The following NT5DC3 variants were observed in gnomAD, a reference collection of about 807,000 sequenced individuals.
The protein encoded by NT5DC3 is 5'-nucleotidase domain containing 3.
In NT5DC3, 42 loss-of-function variants were observed where a neutral mutation model predicts 67.8. That is an observed-to-expected ratio of 0.62 (90% confidence interval 0.48 to 0.80). The LOEUF is 0.80. NT5DC3 is among the 30% of genes least tolerant of loss of function. The probability of loss-of-function intolerance (pLI) is 0.00; values close to 1 mark genes in which losing one functional copy is unlikely to be tolerated. For missense variants in NT5DC3, 570 were observed against 696.4 expected (o/e 0.82, Z 2.04); for synonymous variants, 237 against 255.6 (o/e 0.93, Z 0.69).
intron 4 of NT5DC3, among the ~76,000 whole-genome samples, chr12:103,800,813 T>G (rs7139029): frequency 0.18 from 27,867 of 152,206 alleles, 2,813 homozygotes; most frequent in African/African-American, 0.27. Flanking sequence ...CAATTCCCGC[T>G]CCCTTCATCA....
At chr12:103,778,102 C>A in intron 13 of NT5DC3, 21 bp from the exon 14 acceptor site, 1 of 1,571,534 alleles carries the variant, frequency 6.4e-7, no homozygotes, top group Non-Finnish European at 8.6e-7. Flanking sequence ...AATAAAAAAG[C>A]AAAGCAACAG....
chr12:103,814,339 G>A (rs1345122978), intron 2 of NT5DC3, among the ~76,000 whole-genome samples: 2 of 152,234 alleles, frequency 1.3e-5, no homozygotes, highest in Non-Finnish European at 2.9e-5. Flanking sequence ...CTGAGATGGA[G>A]AGCTGAGCTG....
At chr12:103,787,653 A>G in intron 10 of NT5DC3, 126 bp from the exon 11 acceptor site, 1 of 511,016 alleles carries the variant, frequency 2.0e-6, no homozygotes, top group Non-Finnish European at 3.4e-6. Flanking sequence ...AAATATAAAG[A>G]TAAAAGCACC....
In NT5DC3 at chr12:103,777,980, A is replaced by G; in HGVS notation, c.1496T>C (p.Ile499Thr). The G allele has an allele frequency of 6.2e-7, 1 of 1,614,238 alleles. No homozygotes were observed. Among genetic ancestry groups the G allele is most frequent in the South Asian group, 1.1e-5 (1 of 91,088 alleles). Residue 499 changes from isoleucine to threonine, a missense_variant, in exon 14 of 14, where the codon ATC becomes ACC. Ile to Thr is a moderately conservative substitution (Grantham distance 89). Transcript: ENST00000392876. ...FLRRLSRFAD[I>T]YMASLSCLLN... ...GAGGCAGCTCAGAGACGCCATGTAG[A>G]TGTCAGCGAAGCGCGACAGGCGCCT...
At chr12:103,803,869 C>CCCA (rs1491092836) in intron 4 of NT5DC3, among the ~76,000 whole-genome samples, 28 of 98,486 alleles carry the variant, frequency 2.8e-4, no homozygotes, top group African/African-American at 9.3e-4. Flanking sequence ...ACCCCCCCCC[C>CCCA]AAAAAAATGT....
At chr12:103,840,600 G>A (rs1289648290) in intron 1 of NT5DC3, among the ~76,000 whole-genome samples, 2 of 152,074 alleles carry the variant, frequency 1.3e-5, no homozygotes, top group African/African-American at 4.8e-5. Flanking sequence ...ACCTAACGGT[G>A]CGTGGGAGTG....
chr12:103,810,468 G>T (rs987557352), intron 2 of NT5DC3, among the ~76,000 whole-genome samples: 3 of 152,134 alleles, frequency 2.0e-5, no homozygotes, highest in African/African-American at 7.2e-5. Context: ...CACCACCCAA[G>T]GGGGAAAAAA....
Position 103,814,957 on chromosome 12 carries a change from G to A in NT5DC3, c.373C>T (p.Leu125Phe). Residue 125 changes from leucine to phenylalanine, a missense_variant, in exon 2 of 14, where the codon CTT becomes TTT. By Grantham distance (22) the Leu-to-Phe change is conservative (BLOSUM62 0). Around this residue, in one of 2 missense-constraint regions of NT5DC3, gnomAD observed 466 missense variants for 608.0 expected, o/e 0.77. Transcript: ENST00000392876. ...CTTACCCGGTGTTCATTGATGAGAA[G>A]GTCCCGTGCAGCATTAAATATCAGC... is the stretch of plus-strand genomic sequence containing the variant. ...HTLIFNAARD[L>F]LINEHRYPAE... 1 of 1,608,234 alleles carries A rather than the reference G, an allele frequency of 6.2e-7. No homozygotes were observed. Among genetic ancestry groups the A allele is most frequent in the South Asian group, 1.1e-5 (1 of 89,474 alleles).
chr12:103,777,861 T>C lies in NT5DC3; in HGVS notation c.1615A>G (p.Thr539Ala), dbSNP rs772291672. The stretch of plus-strand genomic sequence containing the variant: ...GCCTGGGCCTCCTGCAGGAGAGGGG[T>C]TCCGAAGGTGGGGGGCCTTTCTGAC... ...AWSERPPTFG[T>A]PLLQEAQAK Residue 539 changes from threonine (T) to alanine (A), a missense_variant, in exon 14 of 14, where the codon ACC becomes GCC. Thr to Ala is a moderately conservative substitution (Grantham distance 58, BLOSUM62 0). Around this residue, in one of 2 missense-constraint regions of NT5DC3, gnomAD observed 466 missense variants for 608.0 expected, o/e 0.77. Transcript: ENST00000392876. The C allele has an allele frequency of 5.0e-6, 8 of 1,613,962 alleles. No individual in the cohort carries two copies. Among genetic ancestry groups the C allele is most frequent in the Non-Finnish European group, 6.8e-6 (8 of 1,179,940 alleles).
chr12:103,760,797 T>C, the NT5DC3 span, among the ~76,000 whole-genome samples: 2 of 152,252 alleles, frequency 1.3e-5, no homozygotes, highest in Non-Finnish European at 2.9e-5. Context: ...TTTAGACTAG[T>C]GTCTCTCAAA....
downstream of NT5DC3, chr12:103,766,158 C>G: frequency 1.6e-6 from 2 of 1,284,260 alleles, no homozygotes; most frequent in Non-Finnish European, 2.2e-6. Context: ...CACAAACAAA[C>G]ACGCCCAGCA....
intron 2 of NT5DC3, among the ~76,000 whole-genome samples, chr12:103,813,658 C>T (rs757989355): frequency 6.6e-6 from 1 of 152,156 alleles, no homozygotes; most frequent in Non-Finnish European, 1.5e-5. Context: ...TCTAGCCAGA[C>T]CCCACCTGGG....
chr12:103,794,069 G>T, intron 6 of NT5DC3, 72 bp from the exon 7 acceptor site: 3 of 1,164,746 alleles, frequency 2.6e-6, no homozygotes, highest in Non-Finnish European at 3.9e-6. Flanking sequence ...AAGTGAAATG[G>T]CAGTCATGGT....
chr12:103,836,177 G>C (rs746708026), intron 1 of NT5DC3, among the ~76,000 whole-genome samples: 1 of 151,982 alleles, frequency 6.6e-6, no homozygotes, highest in South Asian at 2.1e-4. Context: ...ACATCATTCC[G>C]CCCCTGGTCC....
rs186191078 is a variant in NT5DC3 at position 103,828,847 on chromosome 12, C to T, written c.208+12102G>A. On this transcript the variant is annotated intron_variant, in intron 1 of 13. Coordinates refer to ENST00000392876, the MANE Select transcript of NT5DC3 (RefSeq NM_001031701.3). ...CCAAGTAGCTGGGATTACAGGTATG[C>T]ACCACCATGCCCAGTTAATTTTCGT... Among the ~76,000 whole-genome samples, 5 of 152,110 alleles carry T rather than the reference C, an allele frequency of 3.3e-5. No individual in the cohort carries two copies. The East Asian group carries it at 5.8e-4, about 18-fold the overall frequency.
chr12:103,796,844 G>GA, intron 6 of NT5DC3, 50 bp downstream of exon 6: 1 of 1,605,898 alleles, frequency 6.2e-7, no homozygotes, highest in Non-Finnish European at 8.5e-7. Context: ...GACTCCCACT[G>GA]AAAAGGCTGA....
At chr12:103,756,432 G>T in the NT5DC3 span, among the ~76,000 whole-genome samples, 1 of 152,070 alleles carries the variant, frequency 6.6e-6, no homozygotes, top group South Asian at 2.1e-4. Flanking sequence ...GACCACCATT[G>T]TCTCCCCAAA....
At chr12:103,767,359 A>C (rs964418812), downstream of NT5DC3, among the ~76,000 whole-genome samples, 1 of 152,232 alleles carries the variant, frequency 6.6e-6, no homozygotes, top group Non-Finnish European at 1.5e-5. Flanking sequence ...TGGCTAAAAT[A>C]GGCAAATTGA....
At chr12:103,771,845 G>A (rs1885190752), downstream of NT5DC3, among the ~76,000 whole-genome samples, 1 of 152,182 alleles carries the variant, frequency 6.6e-6, no homozygotes, top group Admixed American at 6.5e-5. Context: ...TCAGGCAGAG[G>A]AGCAGGCTGT....
Sources: allele counts gnomAD v4.1 joint callset (sites outside exome capture counted in the v4.1 genomes callset), GRCh38; gene constraint gnomAD v4.1.1; regional missense constraint gnomAD v4.1.1; transcripts MANE v1.5; gene names NCBI Gene and HGNC (gene_info 2026-07-23, HGNC 2026-07-21).